TRAPPC9: variants seen among roughly 807,000 people sequenced by gnomAD.
The protein encoded by TRAPPC9 is trafficking protein particle complex subunit 9, also known as IKK2 binding protein.
Under a neutral mutation model 124.0 loss-of-function variants are expected in TRAPPC9, and 83 were observed. The observed-to-expected ratio is 0.67, with a 90% CI of 0.56 to 0.80. The LOEUF (loss-of-function observed/expected upper bound fraction) is 0.80, where lower values mean the gene tolerates loss of function less well. Among genes scored for constraint, TRAPPC9 ranks in the 30% least tolerant of loss-of-function variants. The probability of loss-of-function intolerance (pLI) is 0.00; values close to 1 mark genes in which losing one functional copy is unlikely to be tolerated. For missense variants in TRAPPC9, 1,302 were observed against 1,508.3 expected, an observed-to-expected ratio of 0.86 and a Z score of 2.27; for synonymous variants, 638 against 617.5, an observed-to-expected ratio of 1.03 and a Z score of -0.49.
intron 9 of TRAPPC9, among the ~76,000 whole-genome samples, chr8:140,340,859 T>G (rs1276659044): frequency 6.6e-6 from 1 of 152,220 alleles, no homozygotes; most frequent in Non-Finnish European, 1.5e-5. Context: ...GTGAGACTCT[T>G]TAAGAGCAGC....
chr8:139,762,463 G>A (rs797002408), intron 21 of TRAPPC9, among the ~76,000 whole-genome samples: 12 of 152,234 alleles, frequency 7.9e-5, no homozygotes, highest in African/African-American at 2.9e-4. Context: ...TCTACACACC[G>A]AGGCCGTGTG....
Position 140,300,573 on chromosome 8 carries a change from T to A in TRAPPC9, c.1664A>T (p.His555Leu). Residue 555 changes from histidine to leucine, a missense_variant, in exon 11 of 23, where the codon CAC becomes CTC. By Grantham distance (99) the His-to-Leu change is moderately conservative. Transcript: ENST00000438773. ...CTGACCCAGCAAGCTTTTCATTTTG[T>A]GTGGCCGGAGGCTAGCAGGAAGGTT... ...LLNLPASLRP[H>L]KMKSLLGQNV... 6.2e-7 allele frequency: 1 copy of A among 1,614,256 alleles called. No individual in the cohort carries two copies. Among genetic ancestry groups the A allele is most frequent in the African/African-American group, 1.3e-5 (1 of 75,072 alleles).
At chr8:140,138,862 C>T (rs1221176460) in intron 17 of TRAPPC9, among the ~76,000 whole-genome samples, 2 of 152,066 alleles carry the variant, frequency 1.3e-5, no homozygotes, top group Non-Finnish European at 2.9e-5. Flanking sequence ...CATGGTCAAC[C>T]CTGATCTAGG....
At chr8:139,877,592 C>T (rs1259986319) in intron 21 of TRAPPC9, among the ~76,000 whole-genome samples, 4 of 152,194 alleles carry the variant, frequency 2.6e-5, no homozygotes, top group Non-Finnish European at 4.4e-5. Context: ...GCAGCAGGAA[C>T]ACACTCACTC....
intron 21 of TRAPPC9, among the ~76,000 whole-genome samples, chr8:139,774,821 C>T (rs1821246749): frequency 6.6e-6 from 1 of 152,220 alleles, no homozygotes; most frequent in African/African-American, 2.4e-5. Flanking sequence ...GAGCTAGGAA[C>T]CAACCTTGCT....
intron 19 of TRAPPC9, among the ~76,000 whole-genome samples, chr8:139,942,424 G>A (rs568588250): frequency 1.3e-5 from 2 of 152,284 alleles, no homozygotes; most frequent in South Asian, 2.1e-4. Flanking sequence ...TTCTAATGGA[G>A]GCAAGATGCT....
intron 17 of TRAPPC9, among the ~76,000 whole-genome samples, chr8:140,175,387 C>T (rs1276561227): frequency 2.0e-5 from 3 of 151,832 alleles, no homozygotes; most frequent in Non-Finnish European, 4.4e-5. Flanking sequence ...GCTTCTACCA[C>T]AGAGGTCCTT....
chr8:139,780,265 ATAAAGC>A (rs1821711275), intron 21 of TRAPPC9, among the ~76,000 whole-genome samples: 2 of 152,210 alleles, frequency 1.3e-5, no homozygotes, highest in Non-Finnish European at 2.9e-5. Flanking sequence ...AAGCCTTGCT[ATAAAGC>A]TACAGTAATG....
In TRAPPC9 at chr8:139,776,280, A is replaced by G. The variant is rs1481499382; in HGVS notation, c.3056-44078T>C. Among the ~76,000 whole-genome samples, 1 of 152,142 alleles carries G rather than the reference A, an allele frequency of 6.6e-6. No individual in the cohort carries two copies. The highest frequency in any genetic ancestry group is 1.5e-5 in the Non-Finnish European group (1 of 68,010). ...GATGACTCAGCGCACAGATGAACTC[A>G]GCCACTCCAGGCAAAGCCAACAGGC... On this transcript the variant is annotated intron_variant, in intron 21 of 22. Transcript: ENST00000438773. This position sits in a 1 kb window ranked among gnomAD's most constrained non-coding sequence, Gnocchi z 4.1.
intron 15 of TRAPPC9, among the ~76,000 whole-genome samples, chr8:140,267,586 G>GA (rs1184417158): frequency 6.6e-6 from 1 of 152,178 alleles, no homozygotes; most frequent in South Asian, 2.1e-4. Flanking sequence ...TATTTCATCA[G>GA]AAAAAACTCC....
rs147175012 is a variant in TRAPPC9, at chr8:139,815,941, C to T, written c.3055+69938G>A. ...ACCTGACGTAGAAGCCGAGGCCCAGCGAGGTTAAGGAACCTGCATGAGGGA... is the reference window on the plus strand; with the variant it reads ...ACCTGACGTAGAAGCCGAGGCCCAGTGAGGTTAAGGAACCTGCATGAGGGA... On this transcript the variant is annotated intron_variant, in intron 21 of 22. Coordinates refer to ENST00000438773, the MANE Select transcript of TRAPPC9 (RefSeq NM_001160372.4). Among the ~76,000 whole-genome samples the T allele has an allele frequency of 1.4e-3, 210 of 152,318 alleles. 3 individuals are homozygous for T. The highest frequency in any genetic ancestry group is 6.8e-3 in the South Asian group (33 of 4,824).
rs1381233459 is a variant in TRAPPC9 at position 140,182,009 on chromosome 8, T to C, written c.2556+39450A>G. 6.6e-6 allele frequency among the ~76,000 whole-genome samples: 1 copy of C among 152,158 alleles called. No homozygotes were observed. The highest frequency in any genetic ancestry group is 1.9e-4 in the East Asian group (1 of 5,184). On this transcript the variant is annotated intron_variant, in intron 17 of 22. Coordinates refer to ENST00000438773, the MANE Select transcript of TRAPPC9 (RefSeq NM_001160372.4). This position sits in a 1 kb window ranked among gnomAD's most constrained non-coding sequence, Gnocchi z 4.0. ...CCCCAGTCTGGGGACCAGACTTTCC[T>C]GGTCCAATCTGAGGGAAGCCCTTCA... is the stretch of plus-strand genomic sequence containing the variant.
At chr8:140,374,904 T>C (rs897392369) in intron 7 of TRAPPC9, among the ~76,000 whole-genome samples, 4 of 152,244 alleles carry the variant, frequency 2.6e-5, no homozygotes, top group African/African-American at 9.6e-5. Context: ...TATTACTTCA[T>C]TCCTCTTATC....
At chr8:139,807,986 C>T (rs149552982) in intron 21 of TRAPPC9, among the ~76,000 whole-genome samples, 3 of 152,226 alleles carry the variant, frequency 2.0e-5, no homozygotes, top group Non-Finnish European at 2.9e-5. Flanking sequence ...AAATGGAACA[C>T]GCATCCCTAC....
intron 17 of TRAPPC9, among the ~76,000 whole-genome samples, chr8:140,161,657 G>A (rs1378322463): frequency 6.6e-6 from 1 of 152,118 alleles, no homozygotes; most frequent in Admixed American, 6.5e-5. Flanking sequence ...TCATGCAAGT[G>A]CTCAAAAAGT....
intron 17 of TRAPPC9, among the ~76,000 whole-genome samples, chr8:140,107,218 A>T (rs997136668): frequency 6.6e-6 from 1 of 152,112 alleles, no homozygotes; most frequent in East Asian, 1.9e-4. Flanking sequence ...TTCAATTCAA[A>T]TCCCCTCCTC....
chr8:140,243,274 T>C (rs1002443895), intron 16 of TRAPPC9, among the ~76,000 whole-genome samples: 1 of 152,098 alleles, frequency 6.6e-6, no homozygotes, highest in Non-Finnish European at 1.5e-5. Flanking sequence ...TCACCTCTGA[T>C]GAGAGGAGGA....
intron 20 of TRAPPC9, among the ~76,000 whole-genome samples, chr8:139,887,135 CCAG>C (rs1197300519): frequency 1.3e-5 from 2 of 152,100 alleles, no homozygotes; most frequent in East Asian, 3.9e-4. Context: ...ACCACAGCCA[CCAG>C]CAGCAGGACA....
intron 21 of TRAPPC9, among the ~76,000 whole-genome samples, chr8:139,885,122 G>A (rs1262703422): frequency 1.3e-5 from 2 of 152,214 alleles, no homozygotes; most frequent in East Asian, 1.9e-4. Context: ...ATGTATGCTT[G>A]CAACTGACTG....
Sources: gnomAD v4.1 joint callset for allele counts (sites outside exome capture counted in the v4.1 genomes callset) on GRCh38, gnomAD v4.1.1 for gene constraint, Gnocchi (gnomAD v3.1) non-coding constraint, MANE v1.5 for transcripts, NCBI Gene and HGNC (gene_info 2026-07-23, HGNC 2026-07-21) for gene names.